The following COL6A1 variants were observed in gnomAD, a reference collection of about 807,000 sequenced individuals.
COL6A1 encodes the protein collagen alpha-1(VI) chain.
A neutral mutation model predicts 145.6 loss-of-function variants in COL6A1; 80 were observed. That is an observed-to-expected ratio of 0.55 (90% confidence interval 0.46 to 0.66). The LOEUF is 0.66. Ranked by LOEUF, COL6A1 falls within the 30% of genes least tolerant of loss-of-function variation. The probability of loss-of-function intolerance (pLI) is 0.00; values close to 1 mark genes in which losing one functional copy is unlikely to be tolerated. For missense variants in COL6A1, 1,364 were observed against 1,473.8 expected (o/e 0.93, Z 1.22); for synonymous variants, 638 against 622.8 (o/e 1.02, Z -0.36).
chr21:46,002,626 CCCGGCCTCTCGCTGGT>C lies in COL6A1; in HGVS notation c.2352_2367del (p.Gly785ArgfsTer13). On this transcript the variant is annotated frameshift_variant, in exon 33 of 35. Transcript: ENST00000361866. LOFTEE classifies it high-confidence loss of function. ...AGGCCTGGCACCATCCCAGGGCCGG[CCCGGCCTCTCGCTGGT>C]CAAGGAGAACTATGCAGAGCTGCTG... The C allele has an allele frequency of 6.2e-7, 1 of 1,614,104 alleles. No homozygotes were observed. Among genetic ancestry groups the C allele is most frequent in the South Asian group, 1.1e-5 (1 of 91,092 alleles).
At chr21:46,001,145 G>T in intron 29 of COL6A1, 108 bp from the exon 30 acceptor site, 1 of 1,460,526 alleles carries the variant, frequency 6.8e-7, no homozygotes, top group South Asian at 1.2e-5. Context: ...GGACCCCAAC[G>T]TGTCAGGTGA....
Position 45,991,926 on chromosome 21 carries a change from G to A in COL6A1, c.1120-84G>A, listed in dbSNP as rs775132064. 6 of 1,345,306 alleles carry A rather than the reference G, an allele frequency of 4.5e-6. No individual in the cohort carries two copies. In the South Asian group the frequency reaches 5.0e-5, roughly 11 times the overall value. The allele number at this position is 1,345,306 out of a possible 1,614,324, so 83.3% of individuals were successfully genotyped here. On this transcript the variant is annotated intron_variant, in intron 15 of 34. Coordinates refer to ENST00000361866, the MANE Select transcript of COL6A1 (RefSeq NM_001848.3). ...AGAGGGAGTGGCCTGAAGTATGGGT[G>A]AGAGGCCCTGGATGTGGCCTCTGAT...
chr21:45,989,880 C>T lies in COL6A1; in HGVS notation c.930+102C>T, dbSNP rs886205599. ...GAGGACAGTGTCCCTGACAGGAGAC[C>T]ACGTGTCCTGCAGACCCGCTCCACC... is the stretch of plus-strand genomic sequence containing the variant. On this transcript the variant is annotated intron_variant, in intron 11 of 34. Coordinates refer to ENST00000361866, the MANE Select transcript of COL6A1 (RefSeq NM_001848.3). 10 of 1,466,300 alleles carry T rather than the reference C, an allele frequency of 6.8e-6. No homozygotes were observed. The African/African-American group carries it at 8.3e-5, about 12-fold the overall frequency. 90.8% of individuals were successfully genotyped at this position (1,466,300 alleles called of 1,614,324 possible).
Position 45,994,344 on chromosome 21 carries a change from T to G in COL6A1, c.1398+115T>G. 1 of 1,035,482 alleles carries G rather than the reference T, an allele frequency of 9.7e-7. No individual in the cohort carries two copies. Among genetic ancestry groups the G allele is most frequent in the East Asian group, 2.6e-5 (1 of 37,812 alleles). 64.1% of individuals were successfully genotyped at this position (1,035,482 alleles called of 1,614,324 possible). A position where few individuals can be genotyped will look rare whatever the true frequency, so the allele number is the denominator to read the frequency against. On this transcript the variant is annotated intron_variant, in intron 20 of 34. Transcript: ENST00000361866. The surrounding 1 kb of genome is among the most constrained non-coding windows in gnomAD (Gnocchi z 6.8). ...CATTTCCGTTTGAGGGCCTCTGTGT[T>G]TCCGTAGATCTCGGGGGTGTCCCTG...
intron 30 of COL6A1, 131 bp downstream of exon 30, chr21:46,001,517 G>A: frequency 2.3e-6 from 3 of 1,291,896 alleles, no homozygotes; most frequent in Non-Finnish European, 2.2e-6. Flanking sequence ...CTCATGACAA[G>A]GATGCCAGGC....
In COL6A1 at chr21:46,004,334, C is replaced by T; in HGVS notation, c.*321C>T. 2 of 451,434 alleles carry T rather than the reference C, an allele frequency of 4.4e-6. No individual in the cohort carries two copies. The highest frequency in any genetic ancestry group is 4.0e-6 in the Non-Finnish European group (1 of 247,288). The allele number at this position is 451,434 out of a possible 1,614,324, so 28.0% of individuals were successfully genotyped here. A position where few individuals can be genotyped will look rare whatever the true frequency, so the allele number is the denominator to read the frequency against. ...CCTCTGGGGCTCAGCCCTGAGCTGG[C>T]CTCACCTGGGTTCCCCACCCCGGGC... is the stretch of plus-strand genomic sequence containing the variant. On this transcript the variant is annotated 3_prime_UTR_variant, in exon 35 of 35. Coordinates refer to ENST00000361866, the MANE Select transcript of COL6A1 (RefSeq NM_001848.3).
Position 46,004,033 on chromosome 21 carries a change from C to A in COL6A1, c.*20C>A, listed in dbSNP as rs369412641. 1 of 1,612,958 alleles carries A rather than the reference C, an allele frequency of 6.2e-7. No homozygotes were observed. The highest frequency in any genetic ancestry group is 8.5e-7 in the Non-Finnish European group (1 of 1,179,984). On this transcript the variant is annotated 3_prime_UTR_variant, in exon 35 of 35. Coordinates refer to ENST00000361866, the MANE Select transcript of COL6A1 (RefSeq NM_001848.3). ...GGCTAGCCCACCCTGCACGCCGGCA[C>A]CAAACCCTGTCCTCCCACCCCTCCC...
At position 45,992,410 on chromosome 21, in the gene COL6A1, A is replaced by C. The variant is rs370523691; in HGVS notation, c.1272+12A>C. On this transcript the variant is annotated intron_variant, in intron 18 of 34. Transcript: ENST00000361866. ...CCCCCGGGGAGCGGGTGAGTGGGGC[A>C]GGGGCAGCCTGCGCTGTTGGCCTCA... 1 of 1,612,012 alleles carries C rather than the reference A, an allele frequency of 6.2e-7. No homozygotes were observed. Among genetic ancestry groups the C allele is most frequent in the African/African-American group, 1.3e-5 (1 of 74,920 alleles).
At position 45,992,371 on chromosome 21, in the gene COL6A1, A is replaced by G. The variant is rs772310154; in HGVS notation, c.1245A>G (p.Pro415=). Residue 415 remains proline (P), a synonymous_variant, in exon 18 of 35, where the codon CCA becomes CCG. Coordinates refer to ENST00000361866, the MANE Select transcript of COL6A1 (RefSeq NM_001848.3). The part of the protein sequence containing the change: ...EKGEAGDEGN[P]GPDGAPGERG... ...GTTTCTCTTCATCCCAGGGGAACCC[A>G]GGACCTGACGGTGCCCCCGGGGAGC... 4.3e-6 allele frequency: 7 copies of G among 1,613,632 alleles called. No individual in the cohort carries two copies. The highest frequency in any genetic ancestry group is 5.1e-6 in the Non-Finnish European group (6 of 1,179,998).
chr21:45,993,637 T>TG (rs1476244236), intron 19 of COL6A1, among the ~76,000 whole-genome samples: 2 of 150,522 alleles, frequency 1.3e-5, no homozygotes, highest in African/African-American at 2.4e-5. Context: ...GGCTCCCCAG[T>TG]GGGGGGTGGG....
At chr21:45,985,581 C>T (rs139589794) in intron 3 of COL6A1, among the ~76,000 whole-genome samples, 263 of 152,358 alleles carry the variant, frequency 1.7e-3, no homozygotes, top group African/African-American at 6.1e-3. Flanking sequence ...CCTCTCATCC[C>T]AGTGTCCAGC....
intron 7 of COL6A1, 25 bp downstream of exon 7, chr21:45,987,544 C>T: frequency 6.2e-7 from 1 of 1,612,832 alleles, no homozygotes; most frequent in Non-Finnish European, 8.5e-7. Flanking sequence ...CGACCCCTGA[C>T]CCCGCGCCCT....
Position 45,994,882 on chromosome 21 carries a change from G to A in COL6A1, c.1398+653G>A, listed in dbSNP as rs766411931. Among the ~76,000 whole-genome samples the A allele has an allele frequency of 6.6e-6, 1 of 152,118 alleles. No individual in the cohort carries two copies. Among genetic ancestry groups the A allele is most frequent in the Non-Finnish European group, 1.5e-5 (1 of 68,012 alleles). ...GACAGGAAGGCCTCCACACGGTCAC[G>A]CCCGGAGACAGCAAGTCTGTGCTCC... On this transcript the variant is annotated intron_variant, in intron 20 of 34. Transcript: ENST00000361866. This position sits in a 1 kb window ranked among gnomAD's most constrained non-coding sequence, Gnocchi z 6.8.
chr21:45,998,467 C>A, intron 24 of COL6A1, 34 bp downstream of exon 24: 1 of 1,612,974 alleles, frequency 6.2e-7, no homozygotes, highest in South Asian at 1.1e-5. Flanking sequence ...TGGCTGTGGG[C>A]ACACAAACAT....
At chr21:45,990,310 G>C in intron 12 of COL6A1, 26 bp downstream of exon 12, 1 of 1,612,746 alleles carries the variant, frequency 6.2e-7, no homozygotes, top group Non-Finnish European at 8.5e-7. Flanking sequence ...TGGGAGGGGG[G>C]AGTTCTGCCC....
Position 45,998,395 on chromosome 21 carries a change from CA to C in COL6A1, c.1576-2del. On this transcript the variant is annotated splice_acceptor_variant, in intron 23 of 34. Transcript: ENST00000361866. LOFTEE classifies it high-confidence loss of function. ...GTATCACTGCCCTGCTTTTCCATGA[CA>C]GGGGTATCCGGGCAACAGGGGCGCT... 1.2e-6 allele frequency: 2 copies of C among 1,613,264 alleles called. No individual in the cohort carries two copies. Among genetic ancestry groups the C allele is most frequent in the Non-Finnish European group, 1.7e-6 (2 of 1,179,992 alleles).
In COL6A1 at chr21:45,986,704, C is replaced by CG; in HGVS notation, c.588+21dup. 1 of 1,542,086 alleles carries CG rather than the reference C, an allele frequency of 6.5e-7. No homozygotes were observed. The highest frequency in any genetic ancestry group is 8.7e-7 in the Non-Finnish European group (1 of 1,146,184). ...CCACCTGGTAGGCACCGGCCCCCCC[C>CG]GGCAGATGCCCCCAACCACAGGGAG... is the stretch of plus-strand genomic sequence containing the variant. On this transcript the variant is annotated intron_variant, in intron 4 of 34. Coordinates refer to ENST00000361866, the MANE Select transcript of COL6A1 (RefSeq NM_001848.3).
At chr21:45,990,149 C>G in intron 11 of COL6A1, 109 bp from the exon 12 acceptor site, 1 of 1,311,950 alleles carries the variant, frequency 7.6e-7, no homozygotes, top group East Asian at 2.3e-5. Context: ...GTGATGTTGT[C>G]CCCTCGGGTT....
chr21:45,994,136 A>G lies in COL6A1; in HGVS notation c.1336-31A>G. 1.3e-6 allele frequency: 2 copies of G among 1,580,168 alleles called. No individual in the cohort carries two copies. The highest frequency in any genetic ancestry group is 2.3e-5 in the East Asian group (1 of 43,474). Reference sequence around the variant, plus strand: ...CAGCCATCCTCCCCAAGGATGGCCCAGCTCCACACTCACGGCTCGTTTCTC... The same window carrying G: ...CAGCCATCCTCCCCAAGGATGGCCCGGCTCCACACTCACGGCTCGTTTCTC... On this transcript the variant is annotated intron_variant, in intron 19 of 34. Transcript: ENST00000361866. This position sits in a 1 kb window ranked among gnomAD's most constrained non-coding sequence, Gnocchi z 6.8.
Sources: gnomAD v4.1 joint callset for allele counts (sites outside exome capture counted in the v4.1 genomes callset) on GRCh38, gnomAD v4.1.1 for gene constraint, Gnocchi (gnomAD v3.1) non-coding constraint, MANE v1.5 for transcripts, NCBI Gene and HGNC (gene_info 2026-07-23, HGNC 2026-07-21) for gene names.